Variants in ITPR2 observed in about 807,000 individuals in gnomAD.
ITPR2 encodes inositol 1,4,5-trisphosphate-gated calcium channel ITPR2.
ITPR2 carries 207 observed loss-of-function variants against 317.1 expected under a neutral mutation model. The ratio of observed to expected loss-of-function variants is 0.65; its 90% CI spans 0.58 to 0.73. The LOEUF is 0.73. Ranked by LOEUF, ITPR2 falls within the 30% of genes least tolerant of loss-of-function variation. ITPR2 has a pLI of 0.00. For synonymous variants in ITPR2, 1,156 were observed against 1,149.1 expected, an observed-to-expected ratio of 1.01 and a Z score of -0.12; for missense variants, 2,613 against 3,284.0, an observed-to-expected ratio of 0.80 and a Z score of 4.99.
At chr12:26,643,099 C>A (rs1021240791) in intron 21 of ITPR2, among the ~76,000 whole-genome samples, 6 of 152,182 alleles carry the variant, frequency 3.9e-5, no homozygotes, top group African/African-American at 1.4e-4. Flanking sequence ...TCCCCTTGCC[C>A]CTTTCCCCAA....
Position 26,724,710 on chromosome 12 carries a change from T to G in ITPR2, c.312A>C (p.Glu104Asp). 6.2e-7 allele frequency: 1 copy of G among 1,606,692 alleles called. No homozygotes were observed. Among genetic ancestry groups the G allele is most frequent in the South Asian group, 1.1e-5 (1 of 90,724 alleles). Reference protein sequence around the residue: ...HAAELEQKQNESENKKLLGEI... With the variant: ...HAAELEQKQNDSENKKLLGEI... ...CTCCCAACAGTTTCTTATTCTCCGA[T>G]TCATTTTGTTTTTGTTCCAGTTCTG... The change falls in exon 4 of 57, where the codon GAA becomes GAC. Residue 104 changes from glutamate to aspartate, a missense_variant. By Grantham distance (45) the Glu-to-Asp change is conservative. Around this residue, in one of 9 missense-constraint regions of ITPR2, gnomAD observed 515 missense variants for 789.4 expected, o/e 0.65. Coordinates refer to ENST00000381340, the MANE Select transcript of ITPR2 (RefSeq NM_002223.4).
rs369334280 is a variant in ITPR2, at chr12:26,667,700, C to T, written c.1410-1649G>A. ...AAGTTTCTATATGCCCAATGCAAGT[C>T]CAGTTTGAGCATAAATATTTGTATT... On this transcript the variant is annotated intron_variant, in intron 13 of 56. Transcript: ENST00000381340. Among the ~76,000 whole-genome samples, 6 of 152,242 alleles carry T rather than the reference C, an allele frequency of 3.9e-5. No individual in the cohort carries two copies. In the East Asian group the frequency reaches 1.2e-3, roughly 29 times the overall value.
intron 39 of ITPR2, among the ~76,000 whole-genome samples, chr12:26,492,071 G>T (rs1304473336): frequency 6.6e-6 from 1 of 152,204 alleles, no homozygotes; most frequent in Admixed American, 6.5e-5. Flanking sequence ...TAAGTAGAGG[G>T]AGAAAAACCT....
At chr12:26,579,060 A>G (rs893582594) in intron 33 of ITPR2, among the ~76,000 whole-genome samples, 3 of 152,234 alleles carry the variant, frequency 2.0e-5, no homozygotes, top group South Asian at 2.1e-4. Flanking sequence ...CATTTTAATT[A>G]TATTCTTAAT....
intron 37 of ITPR2, among the ~76,000 whole-genome samples, chr12:26,497,403 C>T (rs1211468553): frequency 1.6e-5 from 1 of 60,628 alleles, no homozygotes; most frequent in Non-Finnish European, 4.4e-5. Flanking sequence ...ATCCGCCTGC[C>T]TCGGCCTCCC....
At position 26,832,325 on chromosome 12, in the gene ITPR2, A is replaced by T. The variant is rs1335837187; in HGVS notation, c.92+365T>A. 2.0e-5 allele frequency among the ~76,000 whole-genome samples: 3 copies of T among 152,194 alleles called. No individual in the cohort carries two copies. The East Asian group carries it at 5.8e-4, about 29-fold the overall frequency. On this transcript the variant is annotated intron_variant, in intron 1 of 56. Transcript: ENST00000381340. ...AGGACGGTAGCGAGAAACGGTGGAA[A>T]AGGGGGGTGTTTTGTTTTACCTTCC...
chr12:26,485,675 G>A (rs545623578), intron 41 of ITPR2, among the ~76,000 whole-genome samples: 143 of 152,316 alleles, frequency 9.4e-4, no homozygotes, highest in African/African-American at 3.2e-3. Context: ...TGTTTCAAAT[G>A]AAGACATACA....
At position 26,508,849 on chromosome 12, in the gene ITPR2, A is replaced by G. The variant is rs367717131; in HGVS notation, c.5074-13589T>C. 5.9e-5 allele frequency among the ~76,000 whole-genome samples: 9 copies of G among 152,328 alleles called. 1 individual carries two copies. The highest frequency in any genetic ancestry group is 2.2e-4 in the African/African-American group (9 of 41,572). On this transcript the variant is annotated intron_variant, in intron 37 of 56. Coordinates refer to ENST00000381340, the MANE Select transcript of ITPR2 (RefSeq NM_002223.4). ...TGCAGCCACTTGGCAGTTCCAAAAA[A>G]TTAAACGTAGAGTTACCATACATTC...
rs369848449 is a variant in ITPR2 at position 26,461,100 on chromosome 12, G to A, written c.6342+14196C>T. The stretch of plus-strand genomic sequence containing the variant: ...CTTAAATCACAGAACCACAGCAATC[G>A]GAGAAAGAACCTCTGGAGTGTTCTT... On this transcript the variant is annotated intron_variant, in intron 45 of 56. Transcript: ENST00000381340. 7.2e-5 allele frequency among the ~76,000 whole-genome samples: 11 copies of A among 152,240 alleles called. 1 individual carries two copies. Among genetic ancestry groups the A allele is most frequent in the African/African-American group, 1.9e-4 (8 of 41,522 alleles).
intron 10 of ITPR2, among the ~76,000 whole-genome samples, chr12:26,691,412 C>A (rs1051932115): frequency 6.6e-5 from 10 of 152,034 alleles, no homozygotes; most frequent in Non-Finnish European, 1.0e-4. Context: ...CATTAAGGTA[C>A]GACAGAACTT....
intron 32 of ITPR2, among the ~76,000 whole-genome samples, chr12:26,583,263 G>A (rs1945445823): frequency 6.6e-6 from 1 of 151,894 alleles, no homozygotes. Context: ...CTTTTTCATG[G>A]AATCATTTCA....
chr12:26,715,911 A>G (rs759084223), intron 6 of ITPR2, 76 bp from the exon 7 acceptor site: 15 of 1,074,462 alleles, frequency 1.4e-5, no homozygotes, highest in Non-Finnish European at 2.1e-5. Flanking sequence ...TTCAACTAGT[A>G]AAAGGAAATT....
chr12:26,480,670 T>C (rs925982620), intron 43 of ITPR2, among the ~76,000 whole-genome samples: 1 of 151,918 alleles, frequency 6.6e-6, no homozygotes, highest in African/African-American at 2.4e-5. Flanking sequence ...TGAAACCCCG[T>C]CTCTACTAAA....
At chr12:26,573,904 T>A (rs1452658367) in intron 34 of ITPR2, among the ~76,000 whole-genome samples, 1 of 152,142 alleles carries the variant, frequency 6.6e-6, no homozygotes, top group Non-Finnish European at 1.5e-5. Context: ...CATGTTAAGA[T>A]CCTCTAACAA....
At chr12:26,769,027 C>CACACACACACA (rs55797555) in intron 2 of ITPR2, among the ~76,000 whole-genome samples, 17,386 of 111,652 alleles carry the variant, frequency 0.16, 1,409 homozygotes, top group East Asian at 0.26. Context: ...ACACACACAC[C>CACACACACACA]CCAATCTCAG....
intron 42 of ITPR2, 127 bp downstream of exon 42, chr12:26,483,571 G>A (rs1942591508): frequency 1.5e-6 from 1 of 676,072 alleles, no homozygotes; most frequent in African/African-American, 1.8e-5. Context: ...TTCAGTCTTT[G>A]TATGTTTTAT....
chr12:26,509,081 T>A (rs1374283492), intron 37 of ITPR2, among the ~76,000 whole-genome samples: 1 of 152,236 alleles, frequency 6.6e-6, no homozygotes, highest in Non-Finnish European at 1.5e-5. Context: ...TGCTGACACC[T>A]GCTAGAACAT....
intron 2 of ITPR2, among the ~76,000 whole-genome samples, chr12:26,726,641 TAG>T (rs1215436639): frequency 6.6e-6 from 1 of 152,354 alleles, no homozygotes; most frequent in East Asian, 1.9e-4. Context: ...TGTTGATATT[TAG>T]AGTCATTCTC....
Position 26,387,579 on chromosome 12 carries a change from T to C in ITPR2, c.7712A>G (p.Lys2571Arg), listed in dbSNP as rs1939701962. The change falls in exon 55 of 57, where the codon AAG becomes AGG. Residue 2571 changes from lysine to arginine, a missense_variant. Physicochemically the swap from Lys to Arg is conservative, Grantham distance 26. Coordinates refer to ENST00000381340, the MANE Select transcript of ITPR2 (RefSeq NM_002223.4). ...TCFICGLERD[K>R]FDNKTVSFEE... Reference sequence around the variant, plus strand: ...AAATGAAACCGTTTTATTATCAAACTTGTCTCTCTCAAGTCCTGAAAAACA... The same window carrying C: ...AAATGAAACCGTTTTATTATCAAACCTGTCTCTCTCAAGTCCTGAAAAACA... 6.2e-7 allele frequency: 1 copy of C among 1,613,504 alleles called. No individual in the cohort carries two copies. Among genetic ancestry groups the C allele is most frequent in the Middle Eastern group, 1.7e-4 (1 of 6,030 alleles).
Sources: gnomAD v4.1 joint callset for allele counts (sites outside exome capture counted in the v4.1 genomes callset) on GRCh38, gnomAD v4.1.1 for gene constraint, gnomAD v4.1.1 regional missense constraint, MANE v1.5 for transcripts, NCBI Gene and HGNC (gene_info 2026-07-23, HGNC 2026-07-21) for gene names.